The following NOC3L variants were observed in gnomAD, a reference collection of about 807,000 sequenced individuals.
The protein encoded by NOC3L is nucleolar complex protein 3 homolog.
A neutral mutation model predicts 102.5 loss-of-function variants in NOC3L; 85 were observed. The observed-to-expected ratio is 0.83, with a 90% confidence interval of 0.70 to 0.99. The LOEUF is 0.99. Among genes scored for constraint, NOC3L ranks in the 50% least tolerant of loss-of-function variants. The probability of loss-of-function intolerance (pLI) is 0.00; values close to 1 mark genes in which losing one functional copy is unlikely to be tolerated. For missense variants in NOC3L, 878 were observed against 914.9 expected (o/e 0.96, Z 0.52); for synonymous variants, 303 against 309.4 (o/e 0.98, Z 0.22).
the NOC3L span, among the ~76,000 whole-genome samples, chr10:94,323,702 A>T: frequency 6.6e-6 from 1 of 152,210 alleles, no homozygotes; most frequent in African/African-American, 2.4e-5. Flanking sequence ...CTTAGTTAAT[A>T]TTAGCCATCT....
At chr10:94,340,046 G>C (rs924825621) in intron 16 of NOC3L, 126 bp from the exon 17 acceptor site, 17 of 834,916 alleles carry the variant, frequency 2.0e-5, no homozygotes, top group Non-Finnish European at 3.2e-5. Flanking sequence ...TAATCAATGA[G>C]GTAGTGCTAT....
chr10:94,316,971 C>T, the NOC3L span, among the ~76,000 whole-genome samples: 1 of 152,208 alleles, frequency 6.6e-6, no homozygotes, highest in African/African-American at 2.4e-5. Flanking sequence ...ATCCCTTAGA[C>T]CGGGCGTGGT....
At chr10:94,315,163 A>G in the NOC3L span, 37 of 298,246 alleles carry the variant, frequency 1.2e-4, no homozygotes, top group Non-Finnish European at 7.9e-5. Flanking sequence ...CCCCCTTTTG[A>G]GTCAACAGCA....
the NOC3L span, among the ~76,000 whole-genome samples, chr10:94,320,640 G>C: frequency 2.6e-5 from 4 of 152,188 alleles, no homozygotes; most frequent in Non-Finnish European, 4.4e-5. Flanking sequence ...GAGTTTTCCT[G>C]CCAAGACCTC....
intron 7 of NOC3L, 77 bp downstream of exon 7, chr10:94,352,819 C>T: frequency 7.6e-7 from 1 of 1,313,952 alleles, no homozygotes; most frequent in South Asian, 1.3e-5. Context: ...AAAACTCTGC[C>T]TCAAAAAAAA....
chr10:94,315,131 A>G, the NOC3L span: 1 of 266,570 alleles, frequency 3.8e-6, no homozygotes, highest in Non-Finnish European at 7.4e-6. Flanking sequence ...ATCCTGAATT[A>G]TCCCTATAGT....
rs1423240819 is a variant in NOC3L, at chr10:94,337,837, T to C, written c.2129A>G (p.His710Arg). ...TTCAGAAGGTGCTCCAGCGATCAGGTGGGCTGCAAATCTCTGCACTATGGG... is the reference window on the plus strand; with the variant it reads ...TTCAGAAGGTGCTCCAGCGATCAGGCGGGCTGCAAATCTCTGCACTATGGG... ...YHPIVQRFAA[H>R]LIAGAPSEGS... Residue 710 changes from histidine to arginine, a missense_variant, in exon 19 of 21, where the codon CAC becomes CGC. Coordinates refer to ENST00000371361, the MANE Select transcript of NOC3L (RefSeq NM_022451.11). 6.2e-7 allele frequency: 1 copy of C among 1,613,914 alleles called. No individual in the cohort carries two copies. The highest frequency in any genetic ancestry group is 8.5e-7 in the Non-Finnish European group (1 of 1,179,956).
intron 2 of NOC3L, 35 bp from the exon 3 acceptor site, chr10:94,358,250 A>G (rs375488111): frequency 3.6e-6 from 4 of 1,113,320 alleles, no homozygotes; most frequent in Non-Finnish European, 5.4e-6. Flanking sequence ...AAGAAAAATT[A>G]GAAACAAGTA....
chr10:94,344,750 A>G (rs924851254), intron 12 of NOC3L, 103 bp downstream of exon 12: 1 of 988,298 alleles, frequency 1.0e-6, no homozygotes, highest in Non-Finnish European at 1.5e-6. Context: ...TCTAAGCCTC[A>G]TGAAAGAAAC....
chr10:94,355,130 G>A, intron 5 of NOC3L, 37 bp from the exon 6 acceptor site: 1 of 1,533,266 alleles, frequency 6.5e-7, no homozygotes. Context: ...ATATTCCTCT[G>A]CTTACAAGTA....
At chr10:94,359,286 C>T (rs1409902626) in intron 2 of NOC3L, among the ~76,000 whole-genome samples, 2 of 151,982 alleles carry the variant, frequency 1.3e-5, no homozygotes, top group East Asian at 1.9e-4. Context: ...ATTAGTGAGG[C>T]GTGGTGGCAC....
Position 94,340,055 on chromosome 10 carries a change from A to G in NOC3L, c.1781-135T>C, listed in dbSNP as rs527707113. Reference sequence around the variant, plus strand: ...TTTCTCTAATCAATGAGGTAGTGCTATACTGCTAAGGAGATACAGCGGGCT... The same window carrying G: ...TTTCTCTAATCAATGAGGTAGTGCTGTACTGCTAAGGAGATACAGCGGGCT... On this transcript the variant is annotated intron_variant, in intron 16 of 20. Coordinates refer to ENST00000371361, the MANE Select transcript of NOC3L (RefSeq NM_022451.11). 30 of 795,102 alleles carry G rather than the reference A, an allele frequency of 3.8e-5. No homozygotes were observed. In the South Asian group the frequency reaches 5.3e-4, roughly 14 times the overall value. The allele number at this position is 795,102 out of a possible 1,614,324, so 49.3% of individuals were successfully genotyped here. A position where few individuals can be genotyped will look rare whatever the true frequency, so the allele number is the denominator to read the frequency against.
At chr10:94,362,731 A>G in intron 1 of NOC3L, 99 bp downstream of exon 1, 1 of 1,331,740 alleles carries the variant, frequency 7.5e-7, no homozygotes, top group South Asian at 1.2e-5. Flanking sequence ...ACCGCCCCCT[A>G]GACACGGGTG....
At chr10:94,315,301 T>C in the NOC3L span, 36 of 422,510 alleles carry the variant, frequency 8.5e-5, no homozygotes, top group African/African-American at 7.3e-4. Context: ...CTCTGGGCTT[T>C]GCCTTATTGG....
chr10:94,322,399 C>T, the NOC3L span, among the ~76,000 whole-genome samples: 2 of 151,966 alleles, frequency 1.3e-5, 1 homozygote, highest in East Asian at 3.9e-4. Flanking sequence ...ACCTGTAATC[C>T]CAGCAGTTTG....
chr10:94,330,998 A>T (rs1240515863), downstream of NOC3L: 2 of 152,224 alleles, frequency 1.3e-5, no homozygotes, highest in Non-Finnish European at 2.9e-5. Flanking sequence ...AAGTGAAGAG[A>T]AAGGAGCATG....
rs780545350 is a variant in NOC3L, at chr10:94,352,389, G to C, written c.873C>G (p.Thr291=). Residue 291 remains threonine (T), a synonymous_variant, in exon 8 of 21, where the codon ACC becomes ACG. Coordinates refer to ENST00000371361, the MANE Select transcript of NOC3L (RefSeq NM_022451.11). ...AEKSTKTRKE[T]QKLREFEEGL... ...CTTCTTCAAATTCTCTTAACTTCTG[G>C]GTTTCTTTTCGGGTCTGAAAAGACC... The C allele has an allele frequency of 6.2e-7, 1 of 1,612,762 alleles. No individual in the cohort carries two copies. The highest frequency in any genetic ancestry group is 8.5e-7 in the Non-Finnish European group (1 of 1,179,426).
At chr10:94,332,224 C>G (rs545950345), downstream of NOC3L, 1 of 152,276 alleles carries the variant, frequency 6.6e-6, no homozygotes, top group Admixed American at 6.5e-5. Context: ...AGCCTGTCAC[C>G]AAACAGATCT....
chr10:94,337,289 C>G (rs1222544883), intron 19 of NOC3L, among the ~76,000 whole-genome samples: 3 of 151,736 alleles, frequency 2.0e-5, no homozygotes, highest in Non-Finnish European at 4.4e-5. Context: ...TGGCAGTGTT[C>G]CAAAGCACCT....
Sources: allele counts gnomAD v4.1 joint callset (sites outside exome capture counted in the v4.1 genomes callset), GRCh38; gene constraint gnomAD v4.1.1; transcripts MANE v1.5; gene names NCBI Gene and HGNC (gene_info 2026-07-23, HGNC 2026-07-21).